The following ELOVL6 variants were observed in gnomAD, a reference collection of about 807,000 sequenced individuals.
ELOVL6 encodes the protein ELOVL fatty acid elongase 6.
Under a neutral mutation model 31.7 loss-of-function variants are expected in ELOVL6, and 8 were observed. The observed-to-expected ratio is 0.25, with a 90% CI of 0.15 to 0.45. The LOEUF is 0.45. ELOVL6 is among the 20% of genes least tolerant of loss of function. The pLI, the probability that ELOVL6 is intolerant of heterozygous loss-of-function variation, is 1.00. For missense variants in ELOVL6, 126 were observed against 326.4 expected, an observed-to-expected ratio of 0.39 and a Z score of 4.73; for synonymous variants, 101 against 117.7, an observed-to-expected ratio of 0.86 and a Z score of 0.92.
intron 1 of ELOVL6, among the ~76,000 whole-genome samples, chr4:110,152,283 C>T (rs1032957921): frequency 5.3e-5 from 8 of 152,296 alleles, no homozygotes; most frequent in Middle Eastern, 6.8e-3. Flanking sequence ...ACTAAATACA[C>T]GATCAGAGAC....
Position 110,084,565 on chromosome 4 carries a change from T to C in ELOVL6, c.221+20932A>G, listed in dbSNP as rs139677724. Among the ~76,000 whole-genome samples the C allele has an allele frequency of 1.0e-3, 41 of 41,074 alleles. 1 individual carries two copies. The highest frequency in any genetic ancestry group is 0.013 in the Middle Eastern group (1 of 80). 26.9% of individuals were successfully genotyped at this position (41,074 alleles called of 152,430 possible). ...ACACACACACACACACACACACAGA[T>C]ATATATATATATATATATATATATT... On this transcript the variant is annotated intron_variant, in intron 2 of 3. Transcript: ENST00000302274.
chr4:110,141,609 G>A (rs1424971410), intron 1 of ELOVL6, among the ~76,000 whole-genome samples: 2 of 151,302 alleles, frequency 1.3e-5, no homozygotes, highest in African/African-American at 4.9e-5. Context: ...CTGAGATCAT[G>A]CAGAAGTATT....
chr4:110,120,513 T>C (rs1265366866), intron 1 of ELOVL6, among the ~76,000 whole-genome samples: 2 of 152,168 alleles, frequency 1.3e-5, no homozygotes, highest in Non-Finnish European at 2.9e-5. Context: ...ATAGCTCTCC[T>C]ATGGGAACTT....
intron 3 of ELOVL6, among the ~76,000 whole-genome samples, chr4:110,052,702 A>C (rs1754866735): frequency 6.6e-6 from 1 of 152,240 alleles, no homozygotes; most frequent in African/African-American, 2.4e-5. Flanking sequence ...ACTGTAGAAC[A>C]TTTATGTAAA....
At chr4:110,160,943 GA>G (rs1323223709) in intron 1 of ELOVL6, among the ~76,000 whole-genome samples, 2 of 152,192 alleles carry the variant, frequency 1.3e-5, no homozygotes, top group Non-Finnish European at 2.9e-5. Context: ...TTCTCCAACA[GA>G]GTAGATCAGT....
chr4:110,123,271 A>G (rs1275890845), intron 1 of ELOVL6, among the ~76,000 whole-genome samples: 1 of 152,166 alleles, frequency 6.6e-6, no homozygotes, highest in Non-Finnish European at 1.5e-5. Context: ...TAAAAATTGT[A>G]TTTTCTTATA....
chr4:110,070,033 C>A (rs1194780902), intron 2 of ELOVL6, among the ~76,000 whole-genome samples: 1 of 152,114 alleles, frequency 6.6e-6, no homozygotes, highest in Admixed American at 6.5e-5. Flanking sequence ...AGATGAGAAC[C>A]CTTCTCCTGG....
chr4:110,054,624 T>C (rs1202707024), intron 3 of ELOVL6, among the ~76,000 whole-genome samples: 1 of 152,224 alleles, frequency 6.6e-6, no homozygotes, highest in African/African-American at 2.4e-5. Context: ...TCATCCTAAC[T>C]CTTTAGTTTA....
At chr4:110,163,896 G>A (rs1320745611) in intron 1 of ELOVL6, among the ~76,000 whole-genome samples, 1 of 152,176 alleles carries the variant, frequency 6.6e-6, no homozygotes, top group African/African-American at 2.4e-5. Context: ...TATCAGGTGG[G>A]TAAATCTGAG....
In ELOVL6 at chr4:110,048,624, A is replaced by G. The variant is rs1429147009; in HGVS notation, c.*2714T>C. 6.6e-6 allele frequency: 1 copy of G among 152,194 alleles called. No homozygotes were observed. Among genetic ancestry groups the G allele is most frequent in the Non-Finnish European group, 1.5e-5 (1 of 68,036 alleles). 9.4% of individuals were successfully genotyped at this position (152,194 alleles called of 1,614,324 possible). A position where few individuals can be genotyped will look rare whatever the true frequency, so the allele number is the denominator to read the frequency against. ...TCATGGGCCAGTGATCCAGCCTCAT[A>G]TCTTGATATGATTAAAGCGGCTAAG... On this transcript the variant is annotated 3_prime_UTR_variant, in exon 4 of 4. Coordinates refer to ENST00000302274, the MANE Select transcript of ELOVL6 (RefSeq NM_024090.3).
At chr4:110,122,799 G>A (rs776157220) in intron 1 of ELOVL6, among the ~76,000 whole-genome samples, 2 of 152,124 alleles carry the variant, frequency 1.3e-5, no homozygotes, top group Non-Finnish European at 2.9e-5. Context: ...AAGACATCAC[G>A]CCCCTTTGTC....
chr4:110,057,282 T>C (rs887655869), intron 3 of ELOVL6, among the ~76,000 whole-genome samples: 3 of 151,880 alleles, frequency 2.0e-5, no homozygotes, highest in Non-Finnish European at 2.9e-5. Flanking sequence ...TCTCCAGCCA[T>C]AGTCTAGTCT....
chr4:110,198,975 G>T (rs1399343277), upstream of ELOVL6: 1 of 152,250 alleles, frequency 6.6e-6, no homozygotes, highest in African/African-American at 2.4e-5. Context: ...GAGAACTCCG[G>T]GCAAATCTAC....
rs769040144 is a variant in ELOVL6 at position 110,145,415 on chromosome 4, T to C, written c.90-39787A>G. The stretch of plus-strand genomic sequence containing the variant: ...CTCCGGAAATTACCTGGAAGCTACA[T>C]CACAAAGGCCATTCCCAAACTGAGC... On this transcript the variant is annotated intron_variant, in intron 1 of 3. Transcript: ENST00000302274. Among the ~76,000 whole-genome samples, 93 of 152,120 alleles carry C rather than the reference T, an allele frequency of 6.1e-4. 2 individuals carry two copies. The highest frequency in any genetic ancestry group is 1.5e-4 in the Non-Finnish European group (10 of 68,028).
chr4:110,141,377 T>A (rs1757950899), intron 1 of ELOVL6, among the ~76,000 whole-genome samples: 1 of 152,118 alleles, frequency 6.6e-6, no homozygotes, highest in Non-Finnish European at 1.5e-5. Context: ...CATTGGTATA[T>A]AAAAGCTGCC....
At chr4:110,083,384 A>G (rs1210703411) in intron 2 of ELOVL6, among the ~76,000 whole-genome samples, 2 of 151,672 alleles carry the variant, frequency 1.3e-5, no homozygotes, top group Non-Finnish European at 2.9e-5. Flanking sequence ...AGACCTAGAG[A>G]AGAACATACC....
At chr4:110,076,381 A>G (rs1755631827) in intron 2 of ELOVL6, among the ~76,000 whole-genome samples, 1 of 152,212 alleles carries the variant, frequency 6.6e-6, no homozygotes, top group Admixed American at 6.5e-5. Flanking sequence ...GTTTTAGTCA[A>G]GCACAAATCA....
chr4:110,064,689 T>A (rs1013344285), intron 2 of ELOVL6, among the ~76,000 whole-genome samples: 11 of 152,034 alleles, frequency 7.2e-5, no homozygotes, highest in African/African-American at 2.7e-4. Flanking sequence ...GGTCTCATCA[T>A]CTTGCCCAGG....
Position 110,051,778 on chromosome 4 carries a change from G to A in ELOVL6, c.374-16C>T. ...ATTGTATCTCCTGGAAGACAAAGAG[G>A]AAGAAGGTACGTGAGATCCTTGACC... On this transcript the variant is annotated splice_polypyrimidine_tract_variant and intron_variant, in intron 3 of 3. Coordinates refer to ENST00000302274, the MANE Select transcript of ELOVL6 (RefSeq NM_024090.3). This position sits in a 1 kb window ranked among gnomAD's most constrained non-coding sequence, Gnocchi z 4.8. The A allele has an allele frequency of 6.2e-7, 1 of 1,605,398 alleles. No homozygotes were observed. The highest frequency in any genetic ancestry group is 8.5e-7 in the Non-Finnish European group (1 of 1,175,712).
Sources: allele counts gnomAD v4.1 joint callset (sites outside exome capture counted in the v4.1 genomes callset), GRCh38; gene constraint gnomAD v4.1.1; non-coding constraint Gnocchi (gnomAD v3.1); transcripts MANE v1.5; gene names NCBI Gene and HGNC (gene_info 2026-07-23, HGNC 2026-07-21).